Variants in GALNT11 observed in about 807,000 individuals in gnomAD.
GALNT11 encodes UDP-GalNAc:polypeptide N-acetylgalactosaminyltransferase 11.
A neutral mutation model predicts 72.7 loss-of-function variants in GALNT11; 47 were observed. That is an observed-to-expected ratio of 0.65 (90% CI 0.51 to 0.82). The LOEUF is 0.82. GALNT11 is among the 40% of genes least tolerant of loss of function. GALNT11 has a pLI of 0.00. For synonymous variants in GALNT11, 270 were observed against 286.6 expected, an observed-to-expected ratio of 0.94 and a Z score of 0.58; for missense variants, 677 against 778.4, an observed-to-expected ratio of 0.87 and a Z score of 1.55.
chr7:152,106,021 C>T (rs879414909), intron 5 of GALNT11, among the ~76,000 whole-genome samples: 9 of 151,880 alleles, frequency 5.9e-5, no homozygotes, highest in Non-Finnish European at 8.8e-5. Flanking sequence ...TCTTCAGTTA[C>T]GTTATATTGA....
At chr7:152,084,079 G>A (rs2085478202) in intron 1 of GALNT11, among the ~76,000 whole-genome samples, 1 of 152,018 alleles carries the variant, frequency 6.6e-6, no homozygotes, top group Admixed American at 6.5e-5. Context: ...GGCTTAAGTA[G>A]CAGTAGGATT....
chr7:152,068,350 ATAGT>A, intron 1 of GALNT11, among the ~76,000 whole-genome samples: 1 of 152,094 alleles, frequency 6.6e-6, no homozygotes, highest in Middle Eastern at 3.4e-3. Context: ...GTGTAGTTTG[ATAGT>A]TCTTCTTTTT....
At chr7:152,037,020 C>T (rs2082613231) in intron 1 of GALNT11, among the ~76,000 whole-genome samples, 1 of 152,200 alleles carries the variant, frequency 6.6e-6, no homozygotes, top group South Asian at 2.1e-4. Flanking sequence ...CAAATACTTT[C>T]TCCTGGTCTC....
chr7:152,113,545 C>A (rs2088471404), intron 8 of GALNT11, 147 bp downstream of exon 8: 2 of 805,640 alleles, frequency 2.5e-6, no homozygotes, highest in Admixed American at 3.0e-5. Flanking sequence ...TTTCCCCCCA[C>A]CCCCTTCACC....
At chr7:152,084,395 A>C (rs1001512574) in intron 1 of GALNT11, among the ~76,000 whole-genome samples, 1 of 151,670 alleles carries the variant, frequency 6.6e-6, no homozygotes, top group Middle Eastern at 3.2e-3. Flanking sequence ...AAAAAAAAAA[A>C]AAAAAAAAAC....
At chr7:152,093,314 G>T (rs936358692) in intron 1 of GALNT11, among the ~76,000 whole-genome samples, 1 of 152,016 alleles carries the variant, frequency 6.6e-6, no homozygotes, top group African/African-American at 2.4e-5. Flanking sequence ...ATAGGTGAGG[G>T]AATATAATTA....
chr7:152,073,630 C>A (rs1587171448), intron 1 of GALNT11, among the ~76,000 whole-genome samples: 2 of 152,276 alleles, frequency 1.3e-5, no homozygotes, highest in East Asian at 3.9e-4. Context: ...CTTCGATATA[C>A]CAATTTCCTT....
chr7:152,075,880 T>C (rs1437035949), intron 1 of GALNT11, among the ~76,000 whole-genome samples: 2 of 151,130 alleles, frequency 1.3e-5, no homozygotes, highest in East Asian at 3.9e-4. Flanking sequence ...GCTAACACAC[T>C]GAAACCCCGT....
chr7:152,057,298 A>G (rs945490714), intron 1 of GALNT11, among the ~76,000 whole-genome samples: 5 of 150,288 alleles, frequency 3.3e-5, no homozygotes, highest in African/African-American at 1.2e-4. Context: ...CTCAGATATT[A>G]GATGATTTTT....
chr7:152,075,189 A>G (rs1007607367), intron 1 of GALNT11: 1 of 152,150 alleles, frequency 6.6e-6, no homozygotes, highest in African/African-American at 2.4e-5. Flanking sequence ...AGGTAAGCGG[A>G]TCTCCTCTGT....
At position 152,108,162 on chromosome 7, in the gene GALNT11, C is replaced by T. The variant is rs1263824985; in HGVS notation, c.837C>T (p.Ala279=). Residue 279 remains alanine (A), a synonymous_variant, in exon 6 of 12, where the codon GCC becomes GCT. Coordinates refer to ENST00000430044, the MANE Select transcript of GALNT11 (RefSeq NM_022087.4). The part of the protein sequence containing the change: ...VVCPVIDIIS[A]DTLAYSSSPV... The stretch of plus-strand genomic sequence containing the variant: ...GCCCAGTGATTGACATCATCAGCGC[C>T]GACACGCTGGCCTACAGCTCGTCCC... 35 of 1,613,974 alleles carry T rather than the reference C, an allele frequency of 2.2e-5. No individual in the cohort carries two copies. Among genetic ancestry groups the T allele is most frequent in the Non-Finnish European group, 2.6e-5 (31 of 1,180,024 alleles).
chr7:152,037,247 GAGAT>G (rs1332899552), intron 1 of GALNT11, among the ~76,000 whole-genome samples: 1 of 152,210 alleles, frequency 6.6e-6, no homozygotes, highest in Admixed American at 6.5e-5. Flanking sequence ...TGTATAGTGA[GAGAT>G]AGGGATCTAG....
intron 1 of GALNT11, among the ~76,000 whole-genome samples, chr7:152,047,019 T>G (rs966959695): frequency 1.3e-5 from 2 of 152,210 alleles, no homozygotes; most frequent in African/African-American, 4.8e-5. Context: ...ATAACAATTT[T>G]AAACCAATGG....
At chr7:152,088,536 T>C (rs549764444) in intron 1 of GALNT11, among the ~76,000 whole-genome samples, 1 of 151,930 alleles carries the variant, frequency 6.6e-6, no homozygotes, top group South Asian at 2.1e-4. Flanking sequence ...TTTTTAAGAT[T>C]TCTGTAATCT....
At chr7:152,060,347 G>A (rs2083928945) in intron 1 of GALNT11, among the ~76,000 whole-genome samples, 1 of 152,208 alleles carries the variant, frequency 6.6e-6, no homozygotes, top group Admixed American at 6.5e-5. Context: ...CACTGGCATA[G>A]CACTTTTAAT....
chr7:152,057,373 C>G (rs1323080410), intron 1 of GALNT11, among the ~76,000 whole-genome samples: 1 of 149,292 alleles, frequency 6.7e-6, no homozygotes, highest in African/African-American at 2.5e-5. Flanking sequence ...GTGGTGCCAT[C>G]TCGGTTTACT....
chr7:152,074,959 C>T (rs2084867704), intron 1 of GALNT11: 1 of 152,132 alleles, frequency 6.6e-6, no homozygotes, highest in Admixed American at 6.5e-5. Flanking sequence ...GAGCAAATGA[C>T]TTTGTGGCAG....
At chr7:152,047,806 T>C (rs1267024009) in intron 1 of GALNT11, among the ~76,000 whole-genome samples, 1 of 150,702 alleles carries the variant, frequency 6.6e-6, no homozygotes, top group Admixed American at 6.6e-5. Context: ...TTTAACTCCA[T>C]TCCCTGCTTT....
intron 1 of GALNT11, among the ~76,000 whole-genome samples, chr7:152,083,752 T>C (rs77054239): frequency 6.6e-6 from 1 of 152,346 alleles, no homozygotes; most frequent in East Asian, 1.9e-4. Context: ...AACATGATTG[T>C]GTAGCACTTA....
Sources: allele counts gnomAD v4.1 joint callset (sites outside exome capture counted in the v4.1 genomes callset), GRCh38; gene constraint gnomAD v4.1.1; transcripts MANE v1.5; gene names NCBI Gene and HGNC (gene_info 2026-07-23, HGNC 2026-07-21).